UBASH3A: variants seen among roughly 807,000 people sequenced by gnomAD.
UBASH3A encodes ubiquitin associated and SH3 domain containing A.
In UBASH3A, 63 loss-of-function variants were observed where a neutral mutation model predicts 73.5. That is an observed-to-expected ratio of 0.86 (90% CI 0.70 to 1.06). The LOEUF (loss-of-function observed/expected upper bound fraction) is 1.06, where lower values mean the gene tolerates loss of function less well. UBASH3A is among the 50% of genes least tolerant of loss of function. The pLI, the probability that UBASH3A is intolerant of heterozygous loss-of-function variation, is 0.00. For missense variants in UBASH3A, 860 were observed against 859.0 expected, an observed-to-expected ratio of 1.00 and a Z score of -0.02; for synonymous variants, 363 against 351.1, an observed-to-expected ratio of 1.03 and a Z score of -0.38.
chr21:42,416,698 G>T, intron 6 of UBASH3A, 87 bp downstream of exon 6: 2 of 1,283,148 alleles, frequency 1.6e-6, no homozygotes, highest in Non-Finnish European at 2.0e-6. Flanking sequence ...ACTTTGGGAG[G>T]CCGAGGCGGC....
chr21:42,406,012 G>A (rs978617341), intron 1 of UBASH3A, among the ~76,000 whole-genome samples: 2 of 151,162 alleles, frequency 1.3e-5, no homozygotes, highest in African/African-American at 4.9e-5. Flanking sequence ...CCAGGGAGAG[G>A]GATTGCAGGA....
chr21:42,426,881 C>T (rs892353672), intron 8 of UBASH3A, 61 bp downstream of exon 8: 67 of 1,576,778 alleles, frequency 4.2e-5, no homozygotes, highest in Non-Finnish European at 5.6e-5. Flanking sequence ...TTTGTATTAA[C>T]TTCACGGTGG....
At chr21:42,443,142 G>A in intron 12 of UBASH3A, 170 bp from the exon 13 acceptor site, 1 of 1,396,536 alleles carries the variant, frequency 7.2e-7, no homozygotes, top group Non-Finnish European at 9.3e-7. Flanking sequence ...TTGACTGTCA[G>A]TGCTTTGCCA....
At chr21:42,426,562 C>T (rs1028809232) in intron 7 of UBASH3A, 135 bp from the exon 8 acceptor site, 2 of 975,178 alleles carry the variant, frequency 2.1e-6, no homozygotes, top group Non-Finnish European at 1.5e-6. Flanking sequence ...CACGCTACTT[C>T]ATTTTGTGCT....
chr21:42,415,724 G>T (rs2053188675), intron 5 of UBASH3A, among the ~76,000 whole-genome samples: 1 of 152,224 alleles, frequency 6.6e-6, no homozygotes, highest in Admixed American at 6.5e-5. Flanking sequence ...GCTCAGTCAA[G>T]GTCACCCTGC....
chr21:42,441,031 T>C (rs2053731532), intron 11 of UBASH3A, among the ~76,000 whole-genome samples: 1 of 152,312 alleles, frequency 6.6e-6, no homozygotes, highest in South Asian at 2.1e-4. Flanking sequence ...TTTAATGTGA[T>C]CTCTCAGTGA....
At chr21:42,411,693 C>T (rs2053100999) in intron 3 of UBASH3A, among the ~76,000 whole-genome samples, 1 of 152,230 alleles carries the variant, frequency 6.6e-6, no homozygotes, top group Admixed American at 6.5e-5. Flanking sequence ...GCTCCCCTCA[C>T]AGGCAGAAGA....
At position 42,434,816 on chromosome 21, in the gene UBASH3A, C is replaced by T. The variant is rs1299271505; in HGVS notation, c.1271-16C>T. The T allele has an allele frequency of 1.2e-6, 2 of 1,606,952 alleles. No homozygotes were observed. Among genetic ancestry groups the T allele is most frequent in the African/African-American group, 1.3e-5 (1 of 74,570 alleles). ...ACTTGATGAAACTGAACGTCTGATG[C>T]TTATTTATACTTCAGGGAAATACTA... On this transcript the variant is annotated splice_polypyrimidine_tract_variant and intron_variant, in intron 9 of 14. Coordinates refer to ENST00000319294, the MANE Select transcript of UBASH3A (RefSeq NM_018961.4).
intron 9 of UBASH3A, 97 bp from the exon 10 acceptor site, chr21:42,434,735 C>A: frequency 7.6e-7 from 1 of 1,315,676 alleles, no homozygotes; most frequent in Non-Finnish European, 1.0e-6. Flanking sequence ...TCAATAATAA[C>A]ATTGCTGTTA....
intron 7 of UBASH3A, among the ~76,000 whole-genome samples, chr21:42,425,923 T>C (rs1411863926): frequency 6.6e-6 from 1 of 151,794 alleles, no homozygotes; most frequent in Non-Finnish European, 1.5e-5. Context: ...TCAAAGGGGA[T>C]GGTGTATTAG....
intron 7 of UBASH3A, among the ~76,000 whole-genome samples, chr21:42,422,263 TCA>T (rs2053350190): frequency 6.6e-6 from 1 of 152,224 alleles, no homozygotes; most frequent in African/African-American, 2.4e-5. Context: ...GCAGCCGTAG[TCA>T]CACGTCTTTA....
intron 3 of UBASH3A, 45 bp from the exon 4 acceptor site, chr21:42,412,979 C>A (rs1259018501): frequency 1.3e-6 from 2 of 1,487,198 alleles, no homozygotes; most frequent in South Asian, 1.1e-5. Context: ...TAGATGACTT[C>A]TGATGAGAGG....
At chr21:42,434,239 T>G (rs750601092) in intron 9 of UBASH3A, among the ~76,000 whole-genome samples, 5 of 152,160 alleles carry the variant, frequency 3.3e-5, no homozygotes, top group Non-Finnish European at 7.3e-5. Flanking sequence ...AGTGAGGAGA[T>G]GGTGATGCCA....
chr21:42,412,861 C>A (rs1486429303), intron 3 of UBASH3A, among the ~76,000 whole-genome samples, 163 bp from the exon 4 acceptor site: 1 of 152,192 alleles, frequency 6.6e-6, no homozygotes, highest in South Asian at 2.1e-4. Flanking sequence ...AGGTATAGAA[C>A]AAATCCATAA....
intron 11 of UBASH3A, among the ~76,000 whole-genome samples, chr21:42,438,352 G>A (rs1048393724): frequency 3.3e-5 from 5 of 152,186 alleles, no homozygotes; most frequent in African/African-American, 7.2e-5. Flanking sequence ...GCGGAAAGTG[G>A]GGGCAGGGAC....
chr21:42,432,313 A>G, intron 9 of UBASH3A, 111 bp downstream of exon 9: 1 of 716,124 alleles, frequency 1.4e-6, no homozygotes, highest in East Asian at 2.7e-5. Flanking sequence ...ACCATTCTGT[A>G]GAATGACCAT....
chr21:42,446,863 T>A (rs1188954969), intron 14 of UBASH3A, among the ~76,000 whole-genome samples, 194 bp from the exon 15 acceptor site: 1 of 152,156 alleles, frequency 6.6e-6, no homozygotes. Flanking sequence ...TTACCCAGTG[T>A]CCCCTGGCTA....
intron 10 of UBASH3A, 94 bp downstream of exon 10, chr21:42,435,048 C>G: frequency 3.4e-6 from 5 of 1,471,196 alleles, no homozygotes; most frequent in Non-Finnish European, 4.6e-6. Context: ...GCTACACACC[C>G]TTTGATACAG....
intron 14 of UBASH3A, 76 bp downstream of exon 14, chr21:42,444,719 C>A: frequency 8.2e-7 from 1 of 1,221,150 alleles, no homozygotes; most frequent in Non-Finnish European, 1.2e-6. Context: ...ATCCACTTCT[C>A]GGAATGAAAA....
Sources: gnomAD v4.1 joint callset for allele counts (sites outside exome capture counted in the v4.1 genomes callset) on GRCh38, gnomAD v4.1.1 for gene constraint, MANE v1.5 for transcripts, NCBI Gene and HGNC (gene_info 2026-07-23, HGNC 2026-07-21) for gene names.